The following RARB variants were observed in gnomAD, a reference collection of about 807,000 sequenced individuals.
The protein encoded by RARB is HBV-activated protein.
Under a neutral mutation model 51.9 loss-of-function variants are expected in RARB, and 17 were observed. The ratio of observed to expected loss-of-function variants is 0.33; its 90% CI spans 0.22 to 0.49. The LOEUF is 0.49. Among genes scored for constraint, RARB ranks in the 20% least tolerant of loss-of-function variants. The pLI, the probability that RARB is intolerant of heterozygous loss-of-function variation, is 0.99. For synonymous variants in RARB, 215 were observed against 195.4 expected (o/e 1.10, Z -0.84); for missense variants, 369 against 550.8 (o/e 0.67, Z 3.30).
chr3:25,165,039 G>A (rs1700537357), intron 4 of RARB, among the ~76,000 whole-genome samples: 1 of 152,094 alleles, frequency 6.6e-6, no homozygotes, highest in Admixed American at 6.5e-5. Flanking sequence ...TAAGTACTGA[G>A]TTAGTATGGT....
chr3:25,314,791 A>G (rs939465837), intron 5 of RARB, among the ~76,000 whole-genome samples: 1 of 152,132 alleles, frequency 6.6e-6, no homozygotes, highest in African/African-American at 2.4e-5. Context: ...AATTGATCCT[A>G]TCACCCAGGT....
At chr3:25,410,147 T>A (rs1707520452) in intron 5 of RARB, among the ~76,000 whole-genome samples, 1 of 152,200 alleles carries the variant, frequency 6.6e-6, no homozygotes, top group African/African-American at 2.4e-5. Flanking sequence ...AAATGACTGA[T>A]AACAGGACAA....
intron 2 of RARB, among the ~76,000 whole-genome samples, chr3:25,022,683 G>A (rs1251104991): frequency 6.6e-6 from 1 of 152,142 alleles, no homozygotes; most frequent in Non-Finnish European, 1.5e-5. Context: ...TCTAAACAGG[G>A]AGGACAGGGA....
intron 5 of RARB, among the ~76,000 whole-genome samples, chr3:25,182,354 G>A (rs969529511): frequency 6.6e-6 from 1 of 152,208 alleles, no homozygotes; most frequent in African/African-American, 2.4e-5. Flanking sequence ...CAGCCATGGG[G>A]TACTGGGCAT....
upstream of RARB, among the ~76,000 whole-genome samples, chr3:25,425,467 CAG>C (rs1485405806): frequency 6.6e-6 from 1 of 152,150 alleles, no homozygotes; most frequent in African/African-American, 2.4e-5. Flanking sequence ...TTATTGCTAT[CAG>C]CATAATTAAT....
chr3:25,459,067 G>C (rs186066911), intron 1 of RARB, among the ~76,000 whole-genome samples: 1 of 152,168 alleles, frequency 6.6e-6, no homozygotes, highest in Non-Finnish European at 1.5e-5. Flanking sequence ...TTAGAGTATA[G>C]GGGATGGCAG....
At chr3:25,152,014 T>G (rs1575184025) in intron 4 of RARB, among the ~76,000 whole-genome samples, 1 of 152,190 alleles carries the variant, frequency 6.6e-6, no homozygotes, top group South Asian at 2.1e-4. Context: ...AGAAAAAGTT[T>G]CCATCTAAAT....
rs548900626 is a variant in RARB, at chr3:25,415,490, T to A, written c.179-45703T>A. On this transcript the variant is annotated intron_variant, in intron 5 of 11. Coordinates refer to the RARB transcript ENST00000383772. ...TATATTTTTCCTGGTATAAATCCTT[T>A]ATTTTTGTTGTTTTATTTGTATGCA... Among the ~76,000 whole-genome samples, 307 of 152,306 alleles carry A rather than the reference T, an allele frequency of 2.0e-3. 3 individuals are homozygous for A. Among genetic ancestry groups the A allele is most frequent in the Non-Finnish European group, 3.6e-3 (242 of 68,022 alleles).
intron 2 of RARB, among the ~76,000 whole-genome samples, chr3:24,942,318 G>T (rs1042543912): frequency 6.6e-6 from 1 of 152,174 alleles, no homozygotes; most frequent in Non-Finnish European, 1.5e-5. Flanking sequence ...GCATCATCTA[G>T]AAAGCAATAA....
At chr3:24,982,586 A>ATT (rs745733330) in intron 2 of RARB, among the ~76,000 whole-genome samples, 169 of 152,280 alleles carry the variant, frequency 1.1e-3, no homozygotes, top group Non-Finnish European at 1.0e-3. Context: ...TACCTGAGTA[A>ATT]TACTTTCTTC....
At chr3:25,045,265 A>G (rs774346435) in intron 2 of RARB, among the ~76,000 whole-genome samples, 21 of 152,188 alleles carry the variant, frequency 1.4e-4, no homozygotes, top group Non-Finnish European at 2.8e-4. Flanking sequence ...GTGCATTTAT[A>G]GATAGGTCAG....
intron 2 of RARB, among the ~76,000 whole-genome samples, chr3:25,481,041 G>A (rs1166016272): frequency 1.3e-5 from 2 of 152,148 alleles, no homozygotes; most frequent in African/African-American, 4.8e-5. Context: ...CAGGAATGTG[G>A]AACTAGCACT....
At chr3:25,366,235 C>T (rs548159487) in intron 5 of RARB, among the ~76,000 whole-genome samples, 2 of 152,094 alleles carry the variant, frequency 1.3e-5, no homozygotes, top group East Asian at 3.9e-4. Context: ...TCAAAGAGAT[C>T]GAGAAATTTA....
chr3:25,298,898 T>G (rs748374608), intron 5 of RARB, among the ~76,000 whole-genome samples: 1 of 152,130 alleles, frequency 6.6e-6, no homozygotes, highest in African/African-American at 2.4e-5. Flanking sequence ...GATTCCAAAT[T>G]CCTGGAGAGA....
chr3:25,469,919 C>T (rs1021874424), intron 2 of RARB, among the ~76,000 whole-genome samples: 4 of 152,034 alleles, frequency 2.6e-5, no homozygotes, highest in Non-Finnish European at 4.4e-5. Context: ...CCATTCCAAA[C>T]TTTAGGCTGT....
At position 25,397,123 on chromosome 3, in the gene RARB, G is replaced by A. The variant is rs1222614533; in HGVS notation, c.179-64070G>A. Among the ~76,000 whole-genome samples, 4 of 152,124 alleles carry A rather than the reference G, an allele frequency of 2.6e-5. No homozygotes were observed. The South Asian group carries it at 6.2e-4, about 24-fold the overall frequency. On this transcript the variant is annotated intron_variant, in intron 5 of 11. Transcript: ENST00000383772. Reference sequence around the variant, plus strand: ...TTCAGCTGGAAATTTTCTTCTCCATGTGTTCCTTCCCCAATTCTACTGGCA... The same window carrying A: ...TTCAGCTGGAAATTTTCTTCTCCATATGTTCCTTCCCCAATTCTACTGGCA...
chr3:25,326,183 T>C (rs556321600), intron 5 of RARB, among the ~76,000 whole-genome samples: 2 of 152,352 alleles, frequency 1.3e-5, no homozygotes, highest in African/African-American at 4.8e-5. Flanking sequence ...AAGATATTGC[T>C]GTATATCTCC....
intron 2 of RARB, among the ~76,000 whole-genome samples, chr3:25,057,598 C>T (rs1241348800): frequency 1.3e-5 from 2 of 151,992 alleles, no homozygotes; most frequent in East Asian, 3.9e-4. Flanking sequence ...ATAGGAAAGA[C>T]TTACTCATTT....
intron 2 of RARB, among the ~76,000 whole-genome samples, chr3:24,888,566 T>C (rs182583347): frequency 6.6e-6 from 1 of 152,134 alleles, no homozygotes; most frequent in East Asian, 2.0e-4. Flanking sequence ...ATGTGATATT[T>C]AACACCCAAG....
Sources: gnomAD v4.1 joint callset for allele counts (sites outside exome capture counted in the v4.1 genomes callset) on GRCh38, gnomAD v4.1.1 for gene constraint, MANE v1.5 for transcripts, NCBI Gene and HGNC (gene_info 2026-07-23, HGNC 2026-07-21) for gene names.